Variants in FOXO3 observed in about 807,000 individuals in gnomAD.
The protein encoded by FOXO3 is forkhead box O3.
Under a neutral mutation model 41.9 loss-of-function variants are expected in FOXO3, and 4 were observed. That is an observed-to-expected ratio of 0.10 (90% CI 0.05 to 0.22). The LOEUF is 0.22. Among genes scored for constraint, FOXO3 ranks in the 10% least tolerant of loss-of-function variants. FOXO3 has a pLI of 1.00. For missense variants in FOXO3, 534 were observed against 906.8 expected, an observed-to-expected ratio of 0.59 and a Z score of 5.28; for synonymous variants, 318 against 389.3, an observed-to-expected ratio of 0.82 and a Z score of 2.16.
At chr6:108,596,559 T>A (rs1776891333) in intron 1 of FOXO3, among the ~76,000 whole-genome samples, 1 of 152,076 alleles carries the variant, frequency 6.6e-6, no homozygotes, top group Admixed American at 6.6e-5. Flanking sequence ...AATGAGAAAG[T>A]TTAAGCAGGA....
intron 2 of FOXO3, among the ~76,000 whole-genome samples, chr6:108,675,310 C>T (rs545084696): frequency 2.0e-5 from 3 of 152,298 alleles, no homozygotes; most frequent in Admixed American, 2.0e-4. Context: ...TTTATCAGCA[C>T]AGCACAAAGG....
chr6:108,596,743 A>T lies in FOXO3; in HGVS notation c.621+34914A>T, dbSNP rs1776897655. On this transcript the variant is annotated intron_variant, in intron 1 of 2. Transcript: ENST00000406360. ...CTGTGGTTTAAAAAAAGGATCTGGA[A>T]AATACTTAATATACACTGTCACCCT... Among the ~76,000 whole-genome samples the T allele has an allele frequency of 2.0e-5, 3 of 152,176 alleles. No homozygotes were observed. In the South Asian group the frequency reaches 6.2e-4, roughly 32 times the overall value.
intron 1 of FOXO3, among the ~76,000 whole-genome samples, chr6:108,594,050 G>T (rs1222133056): frequency 6.6e-6 from 1 of 151,958 alleles, no homozygotes; most frequent in Non-Finnish European, 1.5e-5. Flanking sequence ...ACATCTTTTG[G>T]CTTTGTGTTT....
At chr6:108,578,596 A>G (rs1427293840) in intron 1 of FOXO3, among the ~76,000 whole-genome samples, 1 of 152,202 alleles carries the variant, frequency 6.6e-6, no homozygotes, top group South Asian at 2.1e-4. Context: ...TATTGTGTTC[A>G]CAGAACTTGT....
chr6:108,620,645 C>T (rs1055282336), intron 1 of FOXO3, among the ~76,000 whole-genome samples: 11 of 149,714 alleles, frequency 7.3e-5, no homozygotes, highest in South Asian at 2.1e-4. Context: ...TTGGAAAGAA[C>T]GAATAATTTG....
At chr6:108,664,923 A>T (rs1389749728) in intron 2 of FOXO3, 34 bp downstream of exon 2, 1 of 1,552,306 alleles carries the variant, frequency 6.4e-7, no homozygotes, top group South Asian at 1.2e-5. Flanking sequence ...AAAAATAACA[A>T]TATGGGGATG....
intron 1 of FOXO3, among the ~76,000 whole-genome samples, chr6:108,616,090 C>T (rs1272006702): frequency 4.7e-5 from 7 of 150,242 alleles, no homozygotes; most frequent in Admixed American, 2.7e-4. Context: ...CCAGTTCAAG[C>T]GATTCTCCCA....
intron 1 of FOXO3, among the ~76,000 whole-genome samples, chr6:108,567,496 A>G (rs1339748069): frequency 6.6e-6 from 1 of 152,206 alleles, no homozygotes; most frequent in East Asian, 1.9e-4. Flanking sequence ...CTTGTTGCCT[A>G]AAACTCAGAA....
chr6:108,631,394 T>A (rs1172687308), intron 1 of FOXO3, among the ~76,000 whole-genome samples: 1 of 152,172 alleles, frequency 6.6e-6, no homozygotes, highest in African/African-American at 2.4e-5. Context: ...GGGCCCTGAC[T>A]TATACACTTG....
intron 1 of FOXO3, among the ~76,000 whole-genome samples, chr6:108,633,104 A>T (rs927610127): frequency 2.6e-5 from 4 of 152,210 alleles, no homozygotes; most frequent in African/African-American, 9.6e-5. Context: ...TCTAAGGAGC[A>T]TCTTGTTGAC....
intron 1 of FOXO3, among the ~76,000 whole-genome samples, chr6:108,564,924 C>T (rs1476970572): frequency 1.3e-5 from 2 of 152,082 alleles, no homozygotes; most frequent in East Asian, 3.9e-4. Context: ...TAAGATCACA[C>T]AGCTAGTTAG....
intron 1 of FOXO3, among the ~76,000 whole-genome samples, chr6:108,652,320 AAAT>A (rs1289996270): frequency 1.3e-5 from 2 of 152,264 alleles, no homozygotes; most frequent in Non-Finnish European, 2.9e-5. Flanking sequence ...CATTTCTAAA[AAAT>A]TAGTGTTAGC....
rs1214868548 is a variant in FOXO3, at chr6:108,663,753, C to T, written c.920C>T (p.Thr307Met). 5.0e-6 allele frequency: 8 copies of T among 1,613,792 alleles called. No homozygotes were observed. The highest frequency in any genetic ancestry group is 3.3e-5 in the South Asian group (3 of 91,048). Residue 307 changes from threonine (T) to methionine (M), a missense_variant, in exon 2 of 3, where the codon ACG (threonine) becomes ATG (methionine). This residue lies in a region of FOXO3 where 185 missense variants were observed against 224.9 expected (regional missense o/e 0.82). Transcript: ENST00000406360. ...AGCAGTGATGAGCTGGATGCGTGGA[C>T]GGACTTCCGTTCACGCACCAATTCT... The part of the protein sequence containing the change: ...SRSSDELDAW[T>M]DFRSRTNSNA...
chr6:108,644,521 T>G (rs1778343239), intron 1 of FOXO3, among the ~76,000 whole-genome samples: 2 of 152,094 alleles, frequency 1.3e-5, no homozygotes, highest in Non-Finnish European at 2.9e-5. Flanking sequence ...TCCTTTCTCC[T>G]TGAAGCACTA....
chr6:108,593,756 A>C (rs1582756926), intron 1 of FOXO3, among the ~76,000 whole-genome samples: 1 of 103,942 alleles, frequency 9.6e-6, no homozygotes, highest in South Asian at 3.0e-4. Flanking sequence ...TCGCCCTGTC[A>C]CCCAGTCTGG....
intron 1 of FOXO3, among the ~76,000 whole-genome samples, chr6:108,622,095 A>G (rs140701753): frequency 6.6e-6 from 1 of 152,040 alleles, no homozygotes; most frequent in Admixed American, 6.5e-5. Flanking sequence ...CATCTCTACT[A>G]ACAATACAAA....
At chr6:108,562,241 A>G (rs1383997251) in intron 1 of FOXO3, among the ~76,000 whole-genome samples, 1 of 151,674 alleles carries the variant, frequency 6.6e-6, no homozygotes, top group Non-Finnish European at 1.5e-5. Flanking sequence ...TTTGGGACGC[A>G]GTGTCTGGAG....
At position 108,606,459 on chromosome 6, in the gene FOXO3, A is replaced by G. The variant is rs558864720; in HGVS notation, c.621+44630A>G. Among the ~76,000 whole-genome samples the G allele has an allele frequency of 3.3e-5, 5 of 152,352 alleles. No individual in the cohort carries two copies. In the East Asian group the frequency reaches 9.6e-4, roughly 29 times the overall value. On this transcript the variant is annotated intron_variant, in intron 1 of 2. Transcript: ENST00000406360. ...TAAACTCTTTGGGTTCTTGACACAC[A>G]TGGCAATGCCACTGGTATAACAGAA...
In FOXO3 at chr6:108,579,511, T is replaced by G. The variant is rs183143390; in HGVS notation, c.621+17682T>G. Among the ~76,000 whole-genome samples the G allele has an allele frequency of 1.5e-3, 236 of 152,314 alleles. 1 individual carries two copies. Among genetic ancestry groups the G allele is most frequent in the Admixed American group, 0.014 (209 of 15,300 alleles). On this transcript the variant is annotated intron_variant, in intron 1 of 2. Transcript: ENST00000406360. ...GAACTCCAGGAGAGTACCAGGGACT[T>G]GTACACATTGGAAGTCAGATACAGC...
Sources: gnomAD v4.1 joint callset for allele counts (sites outside exome capture counted in the v4.1 genomes callset) on GRCh38, gnomAD v4.1.1 for gene constraint, gnomAD v4.1.1 regional missense constraint, MANE v1.5 for transcripts, NCBI Gene and HGNC (gene_info 2026-07-23, HGNC 2026-07-21) for gene names.